KIRREL3: variants seen among roughly 807,000 people sequenced by gnomAD.
KIRREL3 encodes kirre like nephrin family adhesion molecule 3.
Under a neutral mutation model 89.7 loss-of-function variants are expected in KIRREL3, and 36 were observed. The ratio of observed to expected loss-of-function variants is 0.40; its 90% CI spans 0.31 to 0.53. The LOEUF is 0.53. Among genes scored for constraint, KIRREL3 ranks in the 20% least tolerant of loss-of-function variants. The pLI, the probability that KIRREL3 is intolerant of heterozygous loss-of-function variation, is 0.49. For missense variants in KIRREL3, 864 were observed against 1,056.6 expected, an observed-to-expected ratio of 0.82 and a Z score of 2.53; for synonymous variants, 445 against 441.4, an observed-to-expected ratio of 1.01 and a Z score of -0.10.
rs1459095710 is a variant in KIRREL3 at position 126,523,739 on chromosome 11, G to A, written c.284-2275C>T. 1.3e-5 allele frequency among the ~76,000 whole-genome samples: 2 copies of A among 152,160 alleles called. No homozygotes were observed. The highest frequency in any genetic ancestry group is 2.9e-5 in the Non-Finnish European group (2 of 68,026). ...TGCTGCCGCTGCCTTCCTTGTAGCT[G>A]GCTGGCTACCCCCAGCCCCTCCAGC... is the stretch of plus-strand genomic sequence containing the variant. On this transcript the variant is annotated intron_variant, in intron 3 of 16. Coordinates refer to ENST00000525144, the MANE Select transcript of KIRREL3 (RefSeq NM_032531.4). This position sits in a 1 kb window ranked among gnomAD's most constrained non-coding sequence, Gnocchi z 4.9.
intron 6 of KIRREL3, among the ~76,000 whole-genome samples, chr11:126,460,681 A>G (rs1028146453): frequency 1.3e-5 from 2 of 152,230 alleles, no homozygotes; most frequent in African/African-American, 4.8e-5. Flanking sequence ...CTCTGGATGC[A>G]GACTGTCACC....
chr11:126,873,395 G>A lies in KIRREL3; in HGVS notation c.55+127060C>T, dbSNP rs371668134. Among the ~76,000 whole-genome samples, 19 of 152,282 alleles carry A rather than the reference G, an allele frequency of 1.2e-4. No homozygotes were observed. The East Asian group carries it at 3.7e-3, about 29-fold the overall frequency. On this transcript the variant is annotated intron_variant, in intron 1 of 16. Transcript: ENST00000525144. ...AAGACATTCAACTTTGCGGGTGACT[G>A]GATAATAGATCAAGCAAACAGATTG...
At chr11:126,889,510 G>A (rs1214104025) in intron 1 of KIRREL3, among the ~76,000 whole-genome samples, 2 of 151,944 alleles carry the variant, frequency 1.3e-5, no homozygotes, top group African/African-American at 4.8e-5. Flanking sequence ...GAAAAAAAAA[G>A]GAGAAGAAAA....
intron 1 of KIRREL3, among the ~76,000 whole-genome samples, chr11:126,673,086 A>C (rs1391777541): frequency 2.0e-5 from 3 of 152,204 alleles, no homozygotes; most frequent in Non-Finnish European, 4.4e-5. Context: ...GCAGGAATAC[A>C]GTTGAGGGCT....
intron 1 of KIRREL3, among the ~76,000 whole-genome samples, chr11:126,616,815 T>A (rs1943371683): frequency 6.6e-6 from 1 of 151,922 alleles, no homozygotes; most frequent in Non-Finnish European, 1.5e-5. Flanking sequence ...CTATTTTTAA[T>A]TTTTTTTGCA....
Position 126,676,970 on chromosome 11 carries a change from T to C in KIRREL3, c.56-114058A>G, listed in dbSNP as rs139932600. 7.7e-4 allele frequency among the ~76,000 whole-genome samples: 117 copies of C among 152,008 alleles called. No homozygotes were observed. Among genetic ancestry groups the C allele is most frequent in the African/African-American group, 2.7e-3 (112 of 41,442 alleles). ...ACGCTAATTTTTAAAAAATTTTTTG[T>C]AGAGACAGGGTCTTGCTGTGTTGCC... On this transcript the variant is annotated intron_variant, in intron 1 of 16. Transcript: ENST00000525144. The surrounding 1 kb of genome is among the most constrained non-coding windows in gnomAD (Gnocchi z 4.5).
At position 127,000,578 on chromosome 11, in the gene KIRREL3, C is replaced by G. The variant is rs1482443589; in HGVS notation, c.-69G>C. 8 of 1,523,350 alleles carry G rather than the reference C, an allele frequency of 5.3e-6. No homozygotes were observed. The highest frequency in any genetic ancestry group is 2.0e-5 in the Admixed American group (1 of 51,010). 94.4% of individuals were successfully genotyped at this position (1,523,350 alleles called of 1,614,324 possible). On this transcript the variant is annotated 5_prime_UTR_variant, in exon 1 of 17. Coordinates refer to ENST00000525144, the MANE Select transcript of KIRREL3 (RefSeq NM_032531.4). This position sits in a 1 kb window ranked among gnomAD's most constrained non-coding sequence, Gnocchi z 7.1. Reference sequence around the variant, plus strand: ...GGTTAGTTTCTCTTCCTTGGCGGCTCTCGGTGCTCAGCCTCCGCCGGTCCT... The same window carrying G: ...GGTTAGTTTCTCTTCCTTGGCGGCTGTCGGTGCTCAGCCTCCGCCGGTCCT...
At position 126,431,190 on chromosome 11, in the gene KIRREL3, G is replaced by C; in HGVS notation, c.1696+229C>G. On this transcript the variant is annotated intron_variant, in intron 14 of 16. Coordinates refer to ENST00000525144, the MANE Select transcript of KIRREL3 (RefSeq NM_032531.4). The surrounding 1 kb of genome is among the most constrained non-coding windows in gnomAD (Gnocchi z 7.1). ...CCAAAATGCTGGCTGCCCTGCAGAT[G>C]AAGTTCAGTCTAGTCCAGGTCAACC... 5.5e-6 allele frequency: 8 copies of C among 1,463,170 alleles called. No homozygotes were observed. 90.6% of individuals were successfully genotyped at this position (1,463,170 alleles called of 1,614,324 possible). A position where few individuals can be genotyped will look rare whatever the true frequency, so the allele number is the denominator to read the frequency against.
chr11:126,605,745 G>A lies in KIRREL3; in HGVS notation c.56-42833C>T, dbSNP rs904409085. Among the ~76,000 whole-genome samples, 3 of 152,242 alleles carry A rather than the reference G, an allele frequency of 2.0e-5. No individual in the cohort carries two copies. Among genetic ancestry groups the A allele is most frequent in the African/African-American group, 4.8e-5 (2 of 41,466 alleles). On this transcript the variant is annotated intron_variant, in intron 1 of 16. Coordinates refer to ENST00000525144, the MANE Select transcript of KIRREL3 (RefSeq NM_032531.4). The surrounding 1 kb of genome is among the most constrained non-coding windows in gnomAD (Gnocchi z 5.7). ...CCTGAGTTGAGTAGGGATGCTGGGA[G>A]TGGGAATGGGGTGGGGAAAGCATGG... is the stretch of plus-strand genomic sequence containing the variant.
chr11:126,968,545 C>T (rs1374726717), intron 1 of KIRREL3, among the ~76,000 whole-genome samples: 1 of 152,260 alleles, frequency 6.6e-6, no homozygotes, highest in East Asian at 1.9e-4. Context: ...TCACCAGCGC[C>T]TTGTAAAAGC....
chr11:126,828,161 C>T (rs992357240), intron 1 of KIRREL3, among the ~76,000 whole-genome samples: 5 of 152,170 alleles, frequency 3.3e-5, no homozygotes, highest in African/African-American at 7.2e-5. Context: ...GTAATTCATC[C>T]GATTCTTCAT....
In KIRREL3 at chr11:126,954,028, G is replaced by A. The variant is rs745881766; in HGVS notation, c.55+46427C>T. On this transcript the variant is annotated intron_variant, in intron 1 of 16. Transcript: ENST00000525144. The surrounding 1 kb of genome is among the most constrained non-coding windows in gnomAD (Gnocchi z 4.1). ...TGAGCCTGTGTGTGTGTGCACAGGG[G>A]TGTGTGTGCACATGCGTGTGCATGT... is the stretch of plus-strand genomic sequence containing the variant. 5.3e-5 allele frequency among the ~76,000 whole-genome samples: 8 copies of A among 152,076 alleles called. No homozygotes were observed. The highest frequency in any genetic ancestry group is 1.2e-4 in the African/African-American group (5 of 41,400).
Position 126,522,155 on chromosome 11 carries a change from T to C in KIRREL3, c.284-691A>G, listed in dbSNP as rs1296921300. On this transcript the variant is annotated intron_variant, in intron 3 of 16. Transcript: ENST00000525144. This position sits in a 1 kb window ranked among gnomAD's most constrained non-coding sequence, Gnocchi z 6.0. The stretch of plus-strand genomic sequence containing the variant: ...AGCGTGGACAGACACCGCTGGCTTA[T>C]TATTCTGGAAAGTGGTGTGCTCAGC... 6.6e-6 allele frequency among the ~76,000 whole-genome samples: 1 copy of C among 152,082 alleles called. No individual in the cohort carries two copies. The highest frequency in any genetic ancestry group is 1.5e-5 in the Non-Finnish European group (1 of 68,016).
intron 1 of KIRREL3, among the ~76,000 whole-genome samples, chr11:126,866,272 A>G (rs1242549640): frequency 6.6e-6 from 1 of 152,192 alleles, no homozygotes; most frequent in South Asian, 2.1e-4. Flanking sequence ...TCTTGCAGGG[A>G]GATGCTGCTT....
At position 126,773,975 on chromosome 11, in the gene KIRREL3, A is replaced by G. The variant is rs1055134504; in HGVS notation, c.56-211063T>C. On this transcript the variant is annotated intron_variant, in intron 1 of 16. Transcript: ENST00000525144. The surrounding 1 kb of genome is among the most constrained non-coding windows in gnomAD (Gnocchi z 4.2). ...TATCTTATCAAATAGGAACAAAGCC[A>G]GGGACAGGGTAAGAGTCTCCGGCTG... is the stretch of plus-strand genomic sequence containing the variant. 6.6e-6 allele frequency among the ~76,000 whole-genome samples: 1 copy of G among 152,140 alleles called. No individual in the cohort carries two copies. Among genetic ancestry groups the G allele is most frequent in the Non-Finnish European group, 1.5e-5 (1 of 68,014 alleles).
chr11:126,736,191 C>T lies in KIRREL3; in HGVS notation c.56-173279G>A, dbSNP rs1442479857. Among the ~76,000 whole-genome samples the T allele has an allele frequency of 6.6e-6, 1 of 152,194 alleles. No homozygotes were observed. Among genetic ancestry groups the T allele is most frequent in the East Asian group, 1.9e-4 (1 of 5,192 alleles). On this transcript the variant is annotated intron_variant, in intron 1 of 16. Transcript: ENST00000525144. This position sits in a 1 kb window ranked among gnomAD's most constrained non-coding sequence, Gnocchi z 5.0. ...TAGAGAGAACAGATGGTCTGGTTTACTTTCAATTGTAGTCACAGCAATAAT... is the reference window on the plus strand; with the variant it reads ...TAGAGAGAACAGATGGTCTGGTTTATTTTCAATTGTAGTCACAGCAATAAT...
intron 1 of KIRREL3, among the ~76,000 whole-genome samples, chr11:126,862,071 A>G (rs1043885190): frequency 1.3e-5 from 2 of 152,230 alleles, no homozygotes; most frequent in African/African-American, 4.8e-5. Flanking sequence ...AGCCGAGTGA[A>G]GGCGTTCCAT....
chr11:126,495,037 C>T lies in KIRREL3; in HGVS notation c.434-21571G>A, dbSNP rs1368888702. On this transcript the variant is annotated intron_variant, in intron 4 of 16. Transcript: ENST00000525144. The surrounding 1 kb of genome is among the most constrained non-coding windows in gnomAD (Gnocchi z 6.5). ...GAGAGGTTCAACCAGGGTGGCTAGG[C>T]TGTGCACTGGCCAATTCCAGTGGGC... 6.6e-6 allele frequency among the ~76,000 whole-genome samples: 1 copy of T among 152,194 alleles called. No homozygotes were observed. Among genetic ancestry groups the T allele is most frequent in the Non-Finnish European group, 1.5e-5 (1 of 68,034 alleles).
In KIRREL3 at chr11:126,573,235, C is replaced by T. The variant is rs547368374; in HGVS notation, c.56-10323G>A. ...GCATGCGTTGCCTCGCGGGGTGGGT[C>T]CTGTTCACCCAGGAATGCTGCGCAC... On this transcript the variant is annotated intron_variant, in intron 1 of 16. Coordinates refer to ENST00000525144, the MANE Select transcript of KIRREL3 (RefSeq NM_032531.4). Among the ~76,000 whole-genome samples the T allele has an allele frequency of 7.9e-5, 12 of 152,306 alleles. No homozygotes were observed. In the East Asian group the frequency reaches 2.1e-3, roughly 27 times the overall value.
Sources: gnomAD v4.1 joint callset for allele counts (sites outside exome capture counted in the v4.1 genomes callset) on GRCh38, gnomAD v4.1.1 for gene constraint, Gnocchi (gnomAD v3.1) non-coding constraint, MANE v1.5 for transcripts, NCBI Gene and HGNC (gene_info 2026-07-23, HGNC 2026-07-21) for gene names.